CNBD1: variants seen among roughly 807,000 people sequenced by gnomAD.
The protein encoded by CNBD1 is cyclic nucleotide binding domain containing 1.
CNBD1 carries 71 observed loss-of-function variants against 54.4 expected under a neutral mutation model. That is an observed-to-expected ratio of 1.30 (90% CI 1.08 to 1.59). CNBD1 has a LOEUF of 1.59. Among genes scored for constraint, CNBD1 ranks in the 40% most tolerant of loss-of-function variants. The probability of loss-of-function intolerance (pLI) is 0.00; values close to 1 mark genes in which losing one functional copy is unlikely to be tolerated. For missense variants in CNBD1, 659 were observed against 518.0 expected, an observed-to-expected ratio of 1.27 and a Z score of -2.64; for synonymous variants, 182 against 170.7, an observed-to-expected ratio of 1.07 and a Z score of -0.51.
At chr8:87,376,978 C>G (rs1370956970) in intron 10 of CNBD1, among the ~76,000 whole-genome samples, 2 of 149,726 alleles carry the variant, frequency 1.3e-5, no homozygotes, top group Admixed American at 6.7e-5. Flanking sequence ...GGCTCATATA[C>G]AATACTAAGT....
At chr8:87,329,463 A>G (rs1809768471) in intron 8 of CNBD1, among the ~76,000 whole-genome samples, 1 of 152,094 alleles carries the variant, frequency 6.6e-6, no homozygotes, top group African/African-American at 2.4e-5. Flanking sequence ...TTTAATTGAT[A>G]TTGCATAGCA....
At position 87,134,945 on chromosome 8, in the gene CNBD1, A is replaced by G. The variant is rs533001862; in HGVS notation, c.432-71048A>G. Among the ~76,000 whole-genome samples, 5 of 152,220 alleles carry G rather than the reference A, an allele frequency of 3.3e-5. No individual in the cohort carries two copies. The South Asian group carries it at 1.0e-3, about 32-fold the overall frequency. ...TTAATCTTGAAAACAAACTTAAAAA[A>G]TTCTGCGCTATTGTTAACAGGAAAT... On this transcript the variant is annotated intron_variant, in intron 4 of 10. Transcript: ENST00000518476.
chr8:86,912,824 C>T (rs1457154715), intron 3 of CNBD1, among the ~76,000 whole-genome samples: 1 of 152,108 alleles, frequency 6.6e-6, no homozygotes, highest in East Asian at 1.9e-4. Context: ...TCCCTGAAGA[C>T]CTTCCAGGGG....
At chr8:87,396,318 C>G (rs1348422754) in intron 2 of CNBD1, among the ~76,000 whole-genome samples, 1 of 151,870 alleles carries the variant, frequency 6.6e-6, no homozygotes, top group Non-Finnish European at 1.5e-5. Flanking sequence ...TTCCCAAACA[C>G]CTTATCATTT....
chr8:87,426,241 C>A (rs1808047811), intron 2 of CNBD1, among the ~76,000 whole-genome samples: 1 of 152,308 alleles, frequency 6.6e-6, no homozygotes, highest in African/African-American at 2.4e-5. Flanking sequence ...TGAGATGAAC[C>A]CGGTACCTCA....
rs978372704 is a variant in CNBD1 at position 87,099,065 on chromosome 8, A to AAAAAAAAAAAAAC, written c.432-106928_432-106927insAAAAAAAAAAAAC. Among the ~76,000 whole-genome samples the AAAAAAAAAAAAAC allele has an allele frequency of 3.7e-4, 54 of 144,056 alleles. 1 individual carries two copies. The highest frequency in any genetic ancestry group is 1.5e-3 in the African/African-American group (53 of 36,020). The allele number at this position is 144,056 out of a possible 152,430, so 94.5% of individuals were successfully genotyped here. A position where few individuals can be genotyped will look rare whatever the true frequency, so the allele number is the denominator to read the frequency against. On this transcript the variant is annotated intron_variant, in intron 4 of 10. Transcript: ENST00000518476. ...AAAAAAAAAAAAAAAAAAAAACAAA[A>AAAAAAAAAAAAAC]CTCCAAATTTTGACCCTTATGCTTA...
chr8:86,884,150 TCAAAACAAAA>T (rs761823192), intron 1 of CNBD1, among the ~76,000 whole-genome samples: 2 of 147,982 alleles, frequency 1.4e-5, no homozygotes, highest in Non-Finnish European at 3.0e-5. Flanking sequence ...AGACTCCGTC[TCAAAACAAAA>T]CAAAACAAAA....
chr8:87,038,467 A>G lies in CNBD1; in HGVS notation c.431+98713A>G, dbSNP rs139318593. On this transcript the variant is annotated intron_variant, in intron 4 of 10. Transcript: ENST00000518476. ...AAATGGTCCTCTTCTGGATGGGGCCACAGGATAACTGGTGGGTCTGGGTGA... is the reference window on the plus strand; with the variant it reads ...AAATGGTCCTCTTCTGGATGGGGCCGCAGGATAACTGGTGGGTCTGGGTGA... Among the ~76,000 whole-genome samples the G allele has an allele frequency of 3.4e-3, 513 of 152,296 alleles. 2 individuals carry two copies. Among genetic ancestry groups the G allele is most frequent in the Middle Eastern group, 0.02 (6 of 294 alleles).
At chr8:87,425,230 T>C (rs1459072423) in intron 2 of CNBD1, among the ~76,000 whole-genome samples, 1 of 152,154 alleles carries the variant, frequency 6.6e-6, no homozygotes, top group Non-Finnish European at 1.5e-5. Context: ...TTCTAAATTT[T>C]TTTCAAAGTT....
At chr8:87,396,023 A>G (rs947424156) in intron 2 of CNBD1, among the ~76,000 whole-genome samples, 1 of 151,996 alleles carries the variant, frequency 6.6e-6, no homozygotes, top group Non-Finnish European at 1.5e-5. Context: ...TGAGTCAATT[A>G]AACCTCATTC....
Position 87,382,674 on chromosome 8 carries a change from A to G in CNBD1, c.*47A>G. The G allele has an allele frequency of 1.5e-6, 2 of 1,355,920 alleles. No homozygotes were observed. Among genetic ancestry groups the G allele is most frequent in the South Asian group, 1.3e-5 (1 of 77,334 alleles). 84.0% of individuals were successfully genotyped at this position (1,355,920 alleles called of 1,614,324 possible). ...ACATTAATTAAGAAAGTATTGACTA[A>G]ATAATGGAATAATTGCATTCTGGAA... On this transcript the variant is annotated 3_prime_UTR_variant, in exon 11 of 11. Transcript: ENST00000518476.
intron 4 of CNBD1, among the ~76,000 whole-genome samples, chr8:86,998,864 C>A (rs1808934984): frequency 6.6e-6 from 1 of 152,164 alleles, no homozygotes; most frequent in Non-Finnish European, 1.5e-5. Context: ...ACAAATGAGT[C>A]TTGCCTTATG....
intron 4 of CNBD1, among the ~76,000 whole-genome samples, chr8:87,127,356 A>C (rs1317193446): frequency 3.3e-5 from 5 of 152,038 alleles, no homozygotes; most frequent in African/African-American, 1.2e-4. Context: ...TTAGTTTTTA[A>C]TGTTTAAGTC....
intron 8 of CNBD1, among the ~76,000 whole-genome samples, chr8:87,325,433 A>T (rs1171710147): frequency 1.1e-5 from 1 of 87,578 alleles, no homozygotes; most frequent in Non-Finnish European, 2.2e-5. Flanking sequence ...AATGTGTGGG[A>T]GTCTAAGTCT....
At chr8:86,878,190 C>G (rs1808553438) in intron 1 of CNBD1, among the ~76,000 whole-genome samples, 1 of 150,924 alleles carries the variant, frequency 6.6e-6, no homozygotes, top group Non-Finnish European at 1.5e-5. Flanking sequence ...GTGCATACTG[C>G]ATACTATTTG....
intron 2 of CNBD1, among the ~76,000 whole-genome samples, chr8:87,417,029 C>G (rs1001699869): frequency 3.9e-5 from 6 of 151,902 alleles, no homozygotes; most frequent in South Asian, 2.1e-4. Context: ...TTGTAATACA[C>G]TATGTTGATG....
chr8:87,329,197 G>T (rs1057286776), intron 8 of CNBD1, among the ~76,000 whole-genome samples: 3 of 152,084 alleles, frequency 2.0e-5, no homozygotes, highest in Non-Finnish European at 4.4e-5. Flanking sequence ...TACTGCCTTT[G>T]TTCTGTTTTC....
intron 10 of CNBD1, among the ~76,000 whole-genome samples, chr8:87,380,770 AG>A (rs1472788424): frequency 2.0e-5 from 3 of 151,946 alleles, no homozygotes; most frequent in Non-Finnish European, 4.4e-5. Context: ...ATTGTTTTTT[AG>A]GACTGTTGTA....
chr8:87,269,510 C>A (rs560275897), intron 6 of CNBD1, among the ~76,000 whole-genome samples: 3 of 152,086 alleles, frequency 2.0e-5, no homozygotes, highest in African/African-American at 7.2e-5. Flanking sequence ...TGCTTTGGGC[C>A]GTATGGCCAT....
Sources: allele counts gnomAD v4.1 joint callset (sites outside exome capture counted in the v4.1 genomes callset), GRCh38; gene constraint gnomAD v4.1.1; transcripts MANE v1.5; gene names NCBI Gene and HGNC (gene_info 2026-07-23, HGNC 2026-07-21).